Variants in PAK5 observed in about 807,000 individuals in gnomAD.
PAK5 encodes p21 (RAC1) activated kinase 5, also known as serine/threonine-protein kinase PAK 5.
In PAK5, 16 loss-of-function variants were observed where a neutral mutation model predicts 65.9. That is an observed-to-expected ratio of 0.24 (90% confidence interval 0.16 to 0.37). The LOEUF is 0.37. Ranked by LOEUF, PAK5 falls within the 10% of genes least tolerant of loss-of-function variation. PAK5 has a pLI of 1.00. For missense variants in PAK5, 785 were observed against 903.9 expected, an observed-to-expected ratio of 0.87 and a Z score of 1.69; for synonymous variants, 371 against 354.9, an observed-to-expected ratio of 1.05 and a Z score of -0.51.
chr20:9,561,239 G>T (rs2045585979), intron 6 of PAK5, among the ~76,000 whole-genome samples: 1 of 152,152 alleles, frequency 6.6e-6, no homozygotes, highest in African/African-American at 2.4e-5. Flanking sequence ...AGACTGTCTT[G>T]AGTGGTTTCC....
chr20:9,643,122 A>G (rs6077574), intron 3 of PAK5, among the ~76,000 whole-genome samples: 32,594 of 152,180 alleles, frequency 0.21, 3,676 homozygotes, highest in South Asian at 0.36. Context: ...TTTATGCAGT[A>G]TTCATGTTAA....
chr20:9,569,507 G>C (rs1302776297), intron 4 of PAK5, among the ~76,000 whole-genome samples: 1 of 152,198 alleles, frequency 6.6e-6, no homozygotes, highest in Non-Finnish European at 1.5e-5. Flanking sequence ...AAGTGCTGTA[G>C]AAAGGAAACT....
chr20:9,834,395 C>T (rs962848587), intron 1 of PAK5, among the ~76,000 whole-genome samples: 13 of 152,024 alleles, frequency 8.6e-5, no homozygotes, highest in South Asian at 4.1e-4. Context: ...GACAATTAAA[C>T]GAAATAAAAC....
chr20:9,574,429 T>C (rs1603223430), intron 4 of PAK5, among the ~76,000 whole-genome samples: 1 of 152,238 alleles, frequency 6.6e-6, no homozygotes, highest in East Asian at 1.9e-4. Context: ...TCAAGAGCAG[T>C]GAGACAGAGC....
rs116985975 is a variant in PAK5, at chr20:9,733,594, G to A, written c.-161-22159C>T. 9.0e-3 allele frequency among the ~76,000 whole-genome samples: 1,372 copies of A among 152,164 alleles called. 6 individuals are homozygous for A. Among genetic ancestry groups the A allele is most frequent in the Middle Eastern group, 0.02 (6 of 294 alleles). The stretch of plus-strand genomic sequence containing the variant: ...TAAGTAGCTGAGATTACAAGCAGGT[G>A]CCACCACACCCAACTAATTTTTGTG... On this transcript the variant is annotated intron_variant, in intron 1 of 9. Transcript: ENST00000353224.
At chr20:9,824,048 T>C (rs1470624592) in intron 1 of PAK5, among the ~76,000 whole-genome samples, 1 of 152,178 alleles carries the variant, frequency 6.6e-6, no homozygotes, top group Non-Finnish European at 1.5e-5. Flanking sequence ...TAACACAATA[T>C]CTGGCATATA....
At chr20:9,819,264 C>A (rs1398890528) in intron 1 of PAK5, among the ~76,000 whole-genome samples, 1 of 152,038 alleles carries the variant, frequency 6.6e-6, no homozygotes, top group Non-Finnish European at 1.5e-5. Flanking sequence ...ATCAGTAAAC[C>A]AACACAAATC....
At chr20:9,819,149 T>A (rs7266618) in intron 1 of PAK5, among the ~76,000 whole-genome samples, 30,010 of 152,200 alleles carry the variant, frequency 0.2, 3,619 homozygotes, top group Admixed American at 0.33. Flanking sequence ...CACTATAAGT[T>A]CATTTCCCTG....
At chr20:9,689,438 C>T (rs928999682) in intron 2 of PAK5, among the ~76,000 whole-genome samples, 3 of 152,138 alleles carry the variant, frequency 2.0e-5, no homozygotes, top group African/African-American at 7.2e-5. Context: ...AATTATTTCT[C>T]CTCCTTCACC....
At position 9,838,480 on chromosome 20, in the gene PAK5, C is replaced by T. The variant is rs1452869568; in HGVS notation, c.-162+282G>A. On this transcript the variant is annotated intron_variant, in intron 1 of 9. Coordinates refer to ENST00000353224, the MANE Select transcript of PAK5 (RefSeq NM_177990.4). This position sits in a 1 kb window ranked among gnomAD's most constrained non-coding sequence, Gnocchi z 4.5. ...CGGGGTTCTCCTCCACGCCCTCCCG[C>T]CCAGCAAAATGGAACCATCCTTTAT... 7.9e-5 allele frequency among the ~76,000 whole-genome samples: 12 copies of T among 152,176 alleles called. No individual in the cohort carries two copies. The highest frequency in any genetic ancestry group is 1.8e-4 in the Non-Finnish European group (12 of 68,032).
intron 3 of PAK5, among the ~76,000 whole-genome samples, chr20:9,621,729 G>A (rs1366425535): frequency 1.3e-5 from 2 of 152,206 alleles, no homozygotes; most frequent in African/African-American, 4.8e-5. Flanking sequence ...CACTCCTCCT[G>A]AGAACAGCCC....
chr20:9,677,083 GTGTGTT>G (rs1206842280), intron 2 of PAK5, among the ~76,000 whole-genome samples: 13 of 85,266 alleles, frequency 1.5e-4, no homozygotes, highest in Non-Finnish European at 2.8e-4. Flanking sequence ...GTGTGTGTGT[GTGTGTT>G]TGTTGTTATA....
At chr20:9,576,452 G>C (rs967150738) in intron 4 of PAK5, among the ~76,000 whole-genome samples, 1 of 152,066 alleles carries the variant, frequency 6.6e-6, no homozygotes, top group East Asian at 1.9e-4. Flanking sequence ...CGTCTAGAGG[G>C]GAACGGCCAT....
At chr20:9,669,637 G>T (rs1189662512) in intron 2 of PAK5, among the ~76,000 whole-genome samples, 1 of 152,002 alleles carries the variant, frequency 6.6e-6, no homozygotes, top group Non-Finnish European at 1.5e-5. Context: ...GCCTTGGTTT[G>T]GGTACTGAGA....
rs373373160 is a variant in PAK5, at chr20:9,641,887, G to C, written c.204+2238C>G. On this transcript the variant is annotated intron_variant, in intron 3 of 9. Coordinates refer to ENST00000353224, the MANE Select transcript of PAK5 (RefSeq NM_177990.4). ...AGGGCTGGCTGGGTGCTCCGAGTGC[G>C]GGGCCCACCAAGCCCACGCCCACCC... Among the ~76,000 whole-genome samples the C allele has an allele frequency of 2.2e-3, 337 of 152,254 alleles. 4 individuals carry two copies. The highest frequency in any genetic ancestry group is 7.9e-3 in the African/African-American group (329 of 41,562).
At chr20:9,758,520 T>C (rs1012638868) in intron 1 of PAK5, among the ~76,000 whole-genome samples, 2 of 152,160 alleles carry the variant, frequency 1.3e-5, no homozygotes, top group African/African-American at 4.8e-5. Context: ...GTACTTTGCA[T>C]AGTGGTATGC....
chr20:9,822,788 A>C (rs533376100), intron 1 of PAK5, among the ~76,000 whole-genome samples: 43 of 152,280 alleles, frequency 2.8e-4, no homozygotes, highest in African/African-American at 1.0e-3. Flanking sequence ...ATATCATGGG[A>C]GTTTGGAAGT....
At chr20:9,756,232 T>C (rs1164664131) in intron 1 of PAK5, among the ~76,000 whole-genome samples, 2 of 152,240 alleles carry the variant, frequency 1.3e-5, no homozygotes, top group Non-Finnish European at 2.9e-5. Context: ...ATGTGGAAGA[T>C]AACCTTTTCC....
chr20:9,753,276 A>G (rs1239198349), intron 1 of PAK5, among the ~76,000 whole-genome samples: 1 of 152,202 alleles, frequency 6.6e-6, no homozygotes, highest in Admixed American at 6.6e-5. Flanking sequence ...TGTTTACACT[A>G]TGTAACTTAT....
Sources: allele counts gnomAD v4.1 joint callset (sites outside exome capture counted in the v4.1 genomes callset), GRCh38; gene constraint gnomAD v4.1.1; non-coding constraint Gnocchi (gnomAD v3.1); transcripts MANE v1.5; gene names NCBI Gene and HGNC (gene_info 2026-07-23, HGNC 2026-07-21).